Variants in ANKDD1A observed in about 807,000 individuals in gnomAD.
ANKDD1A encodes the protein ankyrin repeat and death domain containing 1A.
ANKDD1A carries 59 observed loss-of-function variants against 63.5 expected under a neutral mutation model. The ratio of observed to expected loss-of-function variants is 0.93; its 90% CI spans 0.75 to 1.15. ANKDD1A has a LOEUF of 1.15. ANKDD1A is among the 50% of genes most tolerant of loss of function. The probability of loss-of-function intolerance (pLI) is 0.00; values close to 1 mark genes in which losing one functional copy is unlikely to be tolerated. For synonymous variants in ANKDD1A, 266 were observed against 263.9 expected (o/e 1.01, Z -0.08); for missense variants, 632 against 656.4 (o/e 0.96, Z 0.41).
At chr15:64,954,615 TC>T (rs1203887545) in intron 14 of ANKDD1A, among the ~76,000 whole-genome samples, 6 of 130,310 alleles carry the variant, frequency 4.6e-5, no homozygotes, top group African/African-American at 1.1e-4. Context: ...TCCTCCTCCT[TC>T]CTCTTTTCTT....
In ANKDD1A at chr15:64,949,904, C is replaced by A; in HGVS notation, c.1415C>A (p.Thr472Lys). The stretch of plus-strand genomic sequence containing the variant: ...CTCATTTGGCTGCATGGCGTGGCCA[C>A]GGCTGGTGAGAACCCCAGCAAAGCG... ...MLLIWLHGVA[T>K]AGENPSKALF... The change falls in exon 14 of 15, where the codon ACG becomes AAG. Residue 472 changes from threonine to lysine, a missense_variant. By Grantham distance (78) the Thr-to-Lys change is moderately conservative. Transcript: ENST00000319580. 6.2e-7 allele frequency: 1 copy of A among 1,607,818 alleles called. No homozygotes were observed.
chr15:64,915,850 A>G lies in ANKDD1A; in HGVS notation c.88A>G (p.Arg30Gly). The G allele has an allele frequency of 6.2e-7, 1 of 1,614,124 alleles. No individual in the cohort carries two copies. ...HEAARQNNVG[R>G]MQELIGRRVN... is the part of the protein sequence containing the mutation. Reference sequence around the variant, plus strand: ...GGCCGCCCGCCAGAACAATGTCGGCAGGATGCAGGAGCTGATTGGGAGGAG... The same window carrying G: ...GGCCGCCCGCCAGAACAATGTCGGCGGGATGCAGGAGCTGATTGGGAGGAG... Residue 30 changes from arginine (R) to glycine (G), a missense_variant, in exon 2 of 15, where the codon AGG (arginine) becomes GGG (glycine). Physicochemically the swap from Arg to Gly is moderately radical, Grantham distance 125. Coordinates refer to ENST00000319580, the MANE Select transcript of ANKDD1A (RefSeq NM_182703.6).
intron 14 of ANKDD1A, among the ~76,000 whole-genome samples, chr15:64,956,319 G>A (rs2085416367): frequency 6.6e-6 from 1 of 151,670 alleles, no homozygotes; most frequent in Admixed American, 6.6e-5. Flanking sequence ...GGAGGGCAAG[G>A]CGGGCAGATC....
intron 14 of ANKDD1A, among the ~76,000 whole-genome samples, chr15:64,953,761 TTCTTCCTCTTCCCTCTTTTC>T (rs2085358568): frequency 1.3e-5 from 1 of 74,202 alleles, no homozygotes; most frequent in South Asian, 4.6e-4. Flanking sequence ...TTCTTCGTTC[TTCTTCCTCTTCCCTCTTTTC>T]TTTCTTCTGC....
chr15:64,923,078 C>T (rs1404599088), intron 4 of ANKDD1A, among the ~76,000 whole-genome samples: 1 of 152,094 alleles, frequency 6.6e-6, no homozygotes, highest in Non-Finnish European at 1.5e-5. Context: ...TAATTGGTTT[C>T]CTTTTATGGT....
intron 3 of ANKDD1A, among the ~76,000 whole-genome samples, chr15:64,918,957 A>C (rs973657294): frequency 2.0e-5 from 3 of 152,098 alleles, no homozygotes; most frequent in Non-Finnish European, 2.9e-5. Flanking sequence ...CTGTCTCAAA[A>C]AAAAAAAAGA....
At chr15:64,929,167 T>C (rs765529553) in intron 6 of ANKDD1A, among the ~76,000 whole-genome samples, 4 of 152,202 alleles carry the variant, frequency 2.6e-5, no homozygotes, top group Non-Finnish European at 5.9e-5. Flanking sequence ...ATTTTATTAT[T>C]TTTAGCTGAA....
intron 14 of ANKDD1A, chr15:64,950,325 C>T (rs1245893883): frequency 1.0e-6 from 1 of 985,210 alleles, no homozygotes; most frequent in Non-Finnish European, 1.2e-6. Flanking sequence ...TTTTCACAAA[C>T]ATTAAGACAT....
At position 64,958,451 on chromosome 15, in the gene ANKDD1A, T is replaced by A. The variant is rs528180961; in HGVS notation, c.*1263T>A. The A allele has an allele frequency of 3.3e-5, 5 of 152,248 alleles. No individual in the cohort carries two copies. Among genetic ancestry groups the A allele is most frequent in the African/African-American group, 1.2e-4 (5 of 41,536 alleles). The allele number at this position is 152,248 out of a possible 1,614,324, so 9.4% of individuals were successfully genotyped here. The stretch of plus-strand genomic sequence containing the variant: ...GGAGCTCTCTGTGCTATCTGCTCAA[T>A]TTTTCTCTAAACCTAAAACTGTTCT... On this transcript the variant is annotated 3_prime_UTR_variant, in exon 15 of 15. Coordinates refer to ENST00000319580, the MANE Select transcript of ANKDD1A (RefSeq NM_182703.6).
At chr15:64,954,735 TTCCTTCTCC>T (rs1289248592) in intron 14 of ANKDD1A, among the ~76,000 whole-genome samples, 7 of 41,384 alleles carry the variant, frequency 1.7e-4, no homozygotes, top group African/African-American at 3.7e-4. Context: ...CTCCTTCTTC[TTCCTTCTCC>T]TTCTTCTTTC....
chr15:64,927,139 G>A (rs1028062383), intron 6 of ANKDD1A, 140 bp downstream of exon 6: 2 of 858,968 alleles, frequency 2.3e-6, no homozygotes, highest in Middle Eastern at 2.2e-4. Context: ...AGTGTATTTA[G>A]TGTTCATCCA....
chr15:64,930,337 GT>G (rs1250479527), intron 6 of ANKDD1A, among the ~76,000 whole-genome samples: 2 of 152,110 alleles, frequency 1.3e-5, no homozygotes, highest in African/African-American at 2.4e-5. Flanking sequence ...GATCTGTGCA[GT>G]GGGGAAAGGA....
intron 12 of ANKDD1A, among the ~76,000 whole-genome samples, chr15:64,945,922 A>G (rs555221607): frequency 3.1e-4 from 47 of 152,018 alleles, no homozygotes; most frequent in East Asian, 1.9e-4. Flanking sequence ...GTGAGCCACC[A>G]TGCCTGGCCG....
At chr15:64,933,541 C>T (rs944600942) in intron 8 of ANKDD1A, among the ~76,000 whole-genome samples, 17 of 152,134 alleles carry the variant, frequency 1.1e-4, no homozygotes, top group African/African-American at 4.1e-4. Flanking sequence ...TATTTGTCTT[C>T]CTCTTTAAAA....
intron 13 of ANKDD1A, 21 bp from the exon 14 acceptor site, chr15:64,949,820 C>G (rs779294006): frequency 1.9e-6 from 3 of 1,597,878 alleles, no homozygotes; most frequent in East Asian, 2.2e-5. Flanking sequence ...CCCTCTCTCT[C>G]TCCTCCCTCA....
At chr15:64,947,268 C>G (rs1595856425) in intron 12 of ANKDD1A, 136 bp from the exon 13 acceptor site, 1 of 794,476 alleles carries the variant, frequency 1.3e-6, no homozygotes, top group Admixed American at 2.9e-5. Context: ...GGACATTAAG[C>G]CCCTGGCCCT....
At chr15:64,942,074 C>G (rs779913634) in intron 9 of ANKDD1A, among the ~76,000 whole-genome samples, 1 of 152,034 alleles carries the variant, frequency 6.6e-6, no homozygotes. Context: ...GAACACCATC[C>G]CTATATACTT....
chr15:64,953,500 TTCC>T (rs1158818765), intron 14 of ANKDD1A, among the ~76,000 whole-genome samples: 18 of 96,286 alleles, frequency 1.9e-4, no homozygotes, highest in South Asian at 8.1e-4. Flanking sequence ...TCTTTAGTTC[TTCC>T]TCCTCTTCCT....
At chr15:64,918,781 C>A (rs1165017164) in intron 3 of ANKDD1A, among the ~76,000 whole-genome samples, 1 of 151,986 alleles carries the variant, frequency 6.6e-6, no homozygotes, top group Non-Finnish European at 1.5e-5. Context: ...TTTCGAAACC[C>A]CGTCTCTACT....
Sources: gnomAD v4.1 joint callset for allele counts (sites outside exome capture counted in the v4.1 genomes callset) on GRCh38, gnomAD v4.1.1 for gene constraint, MANE v1.5 for transcripts, NCBI Gene and HGNC (gene_info 2026-07-23, HGNC 2026-07-21) for gene names.